The following PRKG1 variants were observed in gnomAD, a reference collection of about 807,000 sequenced individuals.
PRKG1 encodes protein kinase cGMP-dependent 1.
In PRKG1, 35 loss-of-function variants were observed where a neutral mutation model predicts 88.1. The ratio of observed to expected loss-of-function variants is 0.40; its 90% CI spans 0.30 to 0.53. The LOEUF is 0.53. PRKG1 is among the 20% of genes least tolerant of loss of function. The pLI is 0.59. For missense variants in PRKG1, 540 were observed against 839.8 expected, an observed-to-expected ratio of 0.64 and a Z score of 4.41; for synonymous variants, 303 against 292.5, an observed-to-expected ratio of 1.04 and a Z score of -0.37.
At chr10:51,170,437 TACACACACACAC>T (rs56159895) in intron 2 of PRKG1, among the ~76,000 whole-genome samples, 1 of 144,550 alleles carries the variant, frequency 6.9e-6, no homozygotes, top group Admixed American at 7.0e-5. Context: ...TGTCTGGGTA[TACACACACACAC>T]ACACACACAC....
chr10:51,393,258 C>A (rs1427518097), intron 2 of PRKG1, among the ~76,000 whole-genome samples: 1 of 147,904 alleles, frequency 6.8e-6, no homozygotes, highest in Non-Finnish European at 1.5e-5. Context: ...ACATCTCAGA[C>A]GATGGGCTGC....
chr10:51,939,893 C>A (rs747613941), intron 5 of PRKG1, among the ~76,000 whole-genome samples: 27 of 151,794 alleles, frequency 1.8e-4, no homozygotes, highest in Non-Finnish European at 3.4e-4. Flanking sequence ...TTAGTTATTC[C>A]TATAGGTGAC....
At chr10:51,744,054 G>T (rs1423143242) in intron 3 of PRKG1, among the ~76,000 whole-genome samples, 2 of 151,536 alleles carry the variant, frequency 1.3e-5, no homozygotes, top group East Asian at 3.9e-4. Flanking sequence ...TAAATTTCTT[G>T]TACTGTAAAC....
intron 3 of PRKG1, among the ~76,000 whole-genome samples, chr10:51,771,070 T>C (rs1287879970): frequency 1.3e-5 from 2 of 152,170 alleles, no homozygotes; most frequent in African/African-American, 2.4e-5. Flanking sequence ...CTGAATACTG[T>C]AGGCAACTGT....
intron 2 of PRKG1, among the ~76,000 whole-genome samples, chr10:51,357,785 A>G (rs555480133): frequency 1.3e-5 from 2 of 152,086 alleles, no homozygotes; most frequent in Admixed American, 6.6e-5. Context: ...TAAGCCCAGC[A>G]TTCAATCTAG....
At chr10:51,995,282 T>C (rs529623549) in intron 5 of PRKG1, among the ~76,000 whole-genome samples, 25 of 152,252 alleles carry the variant, frequency 1.6e-4, no homozygotes, top group Admixed American at 1.6e-3. Flanking sequence ...ACGCCTGTTT[T>C]AACAGTGAAT....
intron 5 of PRKG1, among the ~76,000 whole-genome samples, chr10:51,967,414 G>A (rs1284975890): frequency 6.6e-6 from 1 of 152,080 alleles, no homozygotes; most frequent in African/African-American, 2.4e-5. Context: ...CCTGTTGTGG[G>A]GTGGGGGATG....
intron 3 of PRKG1, among the ~76,000 whole-genome samples, chr10:51,693,983 C>T (rs1841216919): frequency 6.6e-6 from 1 of 151,846 alleles, no homozygotes; most frequent in Admixed American, 6.6e-5. Flanking sequence ...TCCCTATTAA[C>T]ATTTAATATT....
At chr10:51,693,333 C>CTTTTTAATA (rs1841194490) in intron 3 of PRKG1, among the ~76,000 whole-genome samples, 1 of 146,082 alleles carries the variant, frequency 6.8e-6, no homozygotes, top group African/African-American at 2.5e-5. Flanking sequence ...TATTTGGGTG[C>CTTTTTAATA]TTTTTAATAG....
At chr10:51,000,395 T>C (rs970175545) in intron 1 of PRKG1, among the ~76,000 whole-genome samples, 3 of 152,184 alleles carry the variant, frequency 2.0e-5, no homozygotes, top group Non-Finnish European at 4.4e-5. Context: ...ATGTCATCTA[T>C]CTTGTGAATC....
chr10:51,731,374 A>G (rs1842268021), intron 3 of PRKG1, among the ~76,000 whole-genome samples: 1 of 152,208 alleles, frequency 6.6e-6, no homozygotes, highest in African/African-American at 2.4e-5. Context: ...ATTTAAAAAA[A>G]ATGGAAACAA....
At chr10:51,707,198 C>T (rs941722972) in intron 3 of PRKG1, among the ~76,000 whole-genome samples, 1 of 152,152 alleles carries the variant, frequency 6.6e-6, no homozygotes, top group Non-Finnish European at 1.5e-5. Flanking sequence ...GGTTCTTGTA[C>T]TAAACCATGA....
Position 51,770,438 on chromosome 10 carries a change from G to A in PRKG1, c.593-34147G>A, listed in dbSNP as rs532224724. On this transcript the variant is annotated intron_variant, in intron 3 of 17. Coordinates refer to ENST00000373980, the MANE Select transcript of PRKG1 (RefSeq NM_006258.4). ...CTAGATCTGTTGTTTGGAAAGCTTA[G>A]CACTAGGTTCTCAACATTTTGTCTG... 3.9e-5 allele frequency among the ~76,000 whole-genome samples: 6 copies of A among 152,276 alleles called. No homozygotes were observed. The South Asian group carries it at 1.2e-3, about 32-fold the overall frequency.
intron 2 of PRKG1, among the ~76,000 whole-genome samples, chr10:51,295,842 A>G (rs1158673264): frequency 6.6e-6 from 1 of 152,114 alleles, no homozygotes; most frequent in Non-Finnish European, 1.5e-5. Context: ...TGTTTAAACA[A>G]TTTCCTTCTA....
At chr10:51,386,881 T>A (rs1348412286) in intron 2 of PRKG1, among the ~76,000 whole-genome samples, 1 of 152,192 alleles carries the variant, frequency 6.6e-6, no homozygotes, top group Non-Finnish European at 1.5e-5. Context: ...ATATTCATGT[T>A]CATTGCTTAT....
At chr10:51,510,906 C>CT (rs1407968140) in intron 3 of PRKG1, among the ~76,000 whole-genome samples, 1 of 137,378 alleles carries the variant, frequency 7.3e-6, no homozygotes, top group East Asian at 2.0e-4. Flanking sequence ...ACCACACCAG[C>CT]TTATTTTTTT....
At chr10:51,080,905 G>T (rs943275742) in intron 1 of PRKG1, among the ~76,000 whole-genome samples, 1 of 152,096 alleles carries the variant, frequency 6.6e-6, no homozygotes, top group Non-Finnish European at 1.5e-5. Flanking sequence ...AACTCTCTAA[G>T]GATAATTTTG....
chr10:52,207,342 C>T (rs1431053158), intron 9 of PRKG1, among the ~76,000 whole-genome samples: 1 of 151,914 alleles, frequency 6.6e-6, no homozygotes, highest in Non-Finnish European at 1.5e-5. Context: ...ATGAGGGCCT[C>T]CAGGAAGCAC....
intron 3 of PRKG1, chr10:51,695,860 T>G (rs1052814950): frequency 1.3e-5 from 2 of 152,194 alleles, no homozygotes; most frequent in African/African-American, 4.8e-5. Flanking sequence ...CAGCTCTTTG[T>G]ATTAAACATT....
Sources: allele counts gnomAD v4.1 joint callset (sites outside exome capture counted in the v4.1 genomes callset), GRCh38; gene constraint gnomAD v4.1.1; transcripts MANE v1.5; gene names NCBI Gene and HGNC (gene_info 2026-07-23, HGNC 2026-07-21).